Variants in NAALADL2 observed in about 807,000 individuals in gnomAD.
The protein encoded by NAALADL2 is N-acetylated alpha-linked acidic dipeptidase like 2, also known as inactive N-acetylated-alpha-linked acidic dipeptidase-like protein 2.
Under a neutral mutation model 87.2 loss-of-function variants are expected in NAALADL2, and 76 were observed. The ratio of observed to expected loss-of-function variants is 0.87; its 90% CI spans 0.72 to 1.05. The LOEUF (loss-of-function observed/expected upper bound fraction) is 1.05. NAALADL2 is among the 50% of genes least tolerant of loss of function. The pLI is 0.00. For missense variants in NAALADL2, 1,089 were observed against 945.8 expected, an observed-to-expected ratio of 1.15 and a Z score of -1.99; for synonymous variants, 354 against 331.0, an observed-to-expected ratio of 1.07 and a Z score of -0.75.
chr3:175,084,862 T>G (rs188509774), intron 1 of NAALADL2, among the ~76,000 whole-genome samples: 1 of 152,094 alleles, frequency 6.6e-6, no homozygotes, highest in East Asian at 1.9e-4. Context: ...GGTAGCCATG[T>G]GGTTGGATGC....
intron 1 of NAALADL2, among the ~76,000 whole-genome samples, chr3:174,903,871 C>A (rs1732600008): frequency 6.6e-6 from 1 of 151,598 alleles, no homozygotes; most frequent in South Asian, 2.1e-4. Context: ...TATAAATGTA[C>A]TTTTTTATAA....
chr3:174,936,353 AATC>A (rs1737684715), intron 1 of NAALADL2, among the ~76,000 whole-genome samples: 1 of 152,000 alleles, frequency 6.6e-6, no homozygotes, highest in Admixed American at 6.6e-5. Flanking sequence ...TAATAATAAT[AATC>A]TGTTTAGATC....
chr3:174,557,692 C>CTA (rs1308098207), intron 2 of NAALADL2, among the ~76,000 whole-genome samples: 1 of 131,680 alleles, frequency 7.6e-6, no homozygotes, highest in African/African-American at 3.1e-5. Context: ...GTCTGCACTA[C>CTA]TAGAACTGTT....
chr3:174,561,476 C>CCATGGTG (rs2108512356), intron 2 of NAALADL2, among the ~76,000 whole-genome samples: 1 of 152,064 alleles, frequency 6.6e-6, no homozygotes, highest in African/African-American at 2.4e-5. Context: ...CTGAGATTAC[C>CCATGGTG]GCCATGAGCC....
chr3:174,495,607 T>C (rs893692925), intron 1 of NAALADL2, among the ~76,000 whole-genome samples: 3 of 152,196 alleles, frequency 2.0e-5, no homozygotes, highest in African/African-American at 7.2e-5. Flanking sequence ...ACACAGGTTA[T>C]GTTGGAACTT....
chr3:175,767,224 G>A (rs1748829914), intron 13 of NAALADL2, among the ~76,000 whole-genome samples: 1 of 151,928 alleles, frequency 6.6e-6, no homozygotes, highest in African/African-American at 2.4e-5. Flanking sequence ...AAAAAAATAG[G>A]TCTATAAATA....
At chr3:175,224,251 TTGGCCC>T (rs1743835598) in intron 2 of NAALADL2, among the ~76,000 whole-genome samples, 1 of 152,108 alleles carries the variant, frequency 6.6e-6, no homozygotes, top group Admixed American at 6.6e-5. Context: ...ATCAGGCAGT[TTGGCCC>T]TGTTTCCAGC....
intron 3 of NAALADL2, among the ~76,000 whole-genome samples, chr3:174,744,433 C>T (rs779026131): frequency 1.4e-4 from 21 of 151,938 alleles, no homozygotes; most frequent in South Asian, 6.2e-4. Flanking sequence ...AACACAGGAG[C>T]GCCCAGATTT....
chr3:175,011,476 C>A (rs11713829), intron 1 of NAALADL2, among the ~76,000 whole-genome samples: 11,709 of 152,072 alleles, frequency 0.077, 551 homozygotes, highest in African/African-American at 0.14. Context: ...TGATATATAG[C>A]AAAAGAGAAT....
intron 3 of NAALADL2, among the ~76,000 whole-genome samples, chr3:174,804,756 T>TA (rs766785890): frequency 1.3e-5 from 2 of 152,154 alleles, no homozygotes; most frequent in African/African-American, 2.4e-5. Flanking sequence ...ATCTATACAG[T>TA]AAAAAAGTAG....
intron 11 of NAALADL2, among the ~76,000 whole-genome samples, chr3:175,686,185 G>A (rs1017427627): frequency 6.6e-6 from 1 of 152,168 alleles, no homozygotes; most frequent in African/African-American, 2.4e-5. Context: ...TAGTTGTGGA[G>A]ATTAGATGAT....
intron 2 of NAALADL2, among the ~76,000 whole-genome samples, chr3:174,665,389 G>A (rs578200851): frequency 1.3e-5 from 2 of 152,250 alleles, no homozygotes; most frequent in East Asian, 1.9e-4. Context: ...TGGTGCTATC[G>A]AGTGTGCTGC....
chr3:175,314,563 CTA>C (rs57049565), intron 4 of NAALADL2, among the ~76,000 whole-genome samples: 12,916 of 68,872 alleles, frequency 0.19, 1,279 homozygotes, highest in Non-Finnish European at 0.24. Flanking sequence ...CACATTCTAA[CTA>C]TATATATATA....
chr3:174,609,100 A>T (rs1321743520), intron 2 of NAALADL2, among the ~76,000 whole-genome samples: 1 of 152,012 alleles, frequency 6.6e-6, no homozygotes, highest in African/African-American at 2.4e-5. Flanking sequence ...AAGGCCTTTG[A>T]CAAAATTCAA....
intron 9 of NAALADL2, among the ~76,000 whole-genome samples, chr3:175,539,968 C>T (rs1712016778): frequency 6.6e-6 from 1 of 152,142 alleles, no homozygotes; most frequent in African/African-American, 2.4e-5. Context: ...AAAAAGTACA[C>T]TTCATAAAAT....
At chr3:175,693,025 A>T (rs1197303158) in intron 11 of NAALADL2, among the ~76,000 whole-genome samples, 1 of 152,226 alleles carries the variant, frequency 6.6e-6, no homozygotes, top group African/African-American at 2.4e-5. Flanking sequence ...CAGTGAAAGG[A>T]TACAGATTAA....
chr3:175,366,302 A>C (rs1309960490), intron 5 of NAALADL2, among the ~76,000 whole-genome samples: 1 of 151,540 alleles, frequency 6.6e-6, no homozygotes, highest in African/African-American at 2.4e-5. Flanking sequence ...TATTGTGAAT[A>C]GTGCCTCAAT....
chr3:174,880,030 A>AATCTC (rs1729005971), intron 1 of NAALADL2, among the ~76,000 whole-genome samples: 1 of 151,808 alleles, frequency 6.6e-6, no homozygotes, highest in Non-Finnish European at 1.5e-5. Context: ...TTGCTGTTTT[A>AATCTC]CCCTGTTATA....
intron 13 of NAALADL2, among the ~76,000 whole-genome samples, chr3:175,784,962 C>T (rs1467638085): frequency 3.4e-5 from 5 of 146,516 alleles, no homozygotes; most frequent in Non-Finnish European, 5.9e-5. Flanking sequence ...GCGTTATGTA[C>T]CCAGTAGTCA....
Sources: allele counts gnomAD v4.1 joint callset (sites outside exome capture counted in the v4.1 genomes callset), GRCh38; gene constraint gnomAD v4.1.1; transcripts MANE v1.5; gene names NCBI Gene and HGNC (gene_info 2026-07-23, HGNC 2026-07-21).